Variants in ROBO1 observed in about 807,000 individuals in gnomAD.
ROBO1 encodes roundabout homolog 1.
ROBO1 carries 149 observed loss-of-function variants against 195.9 expected under a neutral mutation model. The observed-to-expected ratio is 0.76, with a 90% CI of 0.67 to 0.87. The LOEUF is 0.87. Among genes scored for constraint, ROBO1 ranks in the 40% least tolerant of loss-of-function variants. ROBO1 has a pLI of 0.00. For missense variants in ROBO1, 1,933 were observed against 2,068.3 expected (o/e 0.93, Z 1.27); for synonymous variants, 816 against 733.2 (o/e 1.11, Z -1.82).
At chr3:78,803,807 G>T (rs887087415) in intron 4 of ROBO1, among the ~76,000 whole-genome samples, 2 of 152,032 alleles carry the variant, frequency 1.3e-5, no homozygotes, top group Non-Finnish European at 2.9e-5. Context: ...AAGCAAAGGG[G>T]ATAAGGAAGA....
chr3:79,077,972 C>T (rs912631793), intron 3 of ROBO1, among the ~76,000 whole-genome samples: 1 of 151,716 alleles, frequency 6.6e-6, no homozygotes, highest in Non-Finnish European at 1.5e-5. Context: ...GAGTGATGAA[C>T]TTGCGTTGTA....
In ROBO1 at chr3:79,502,493, C is replaced by G. The variant is rs1035648118; in HGVS notation, c.88+87331G>C. 2.0e-5 allele frequency among the ~76,000 whole-genome samples: 3 copies of G among 152,106 alleles called. No individual in the cohort carries two copies. In the South Asian group the frequency reaches 6.2e-4, roughly 31 times the overall value. ...TAGCCCGCCATGCCTGAGTCTCCCC[C>G]CGCCCCTTCCCCACCGCCATGGGCT... On this transcript the variant is annotated intron_variant, in intron 2 of 30. Transcript: ENST00000464233.
At chr3:78,767,508 C>A (rs1250014061) in intron 4 of ROBO1, among the ~76,000 whole-genome samples, 1 of 150,718 alleles carries the variant, frequency 6.6e-6, no homozygotes, top group Admixed American at 6.6e-5. Flanking sequence ...TCAAGCGACT[C>A]ACCTGCTTTG....
chr3:78,805,420 T>C (rs1022320993), intron 4 of ROBO1, among the ~76,000 whole-genome samples: 6 of 152,170 alleles, frequency 3.9e-5, no homozygotes, highest in Admixed American at 3.9e-4. Flanking sequence ...TACATTTAAT[T>C]ACTTATACAT....
At chr3:78,946,039 C>G (rs576548408) in intron 3 of ROBO1, among the ~76,000 whole-genome samples, 1 of 151,946 alleles carries the variant, frequency 6.6e-6, no homozygotes, top group African/African-American at 2.4e-5. Flanking sequence ...ACCAAATCTA[C>G]GTCTGATTGG....
chr3:79,626,406 C>T (rs1351073076), intron 1 of ROBO1, among the ~76,000 whole-genome samples: 1 of 152,064 alleles, frequency 6.6e-6, no homozygotes, highest in East Asian at 1.9e-4. Context: ...CATTGCACTC[C>T]AGCCTAGTAA....
chr3:79,461,658 A>C (rs776017811), intron 2 of ROBO1, among the ~76,000 whole-genome samples: 1 of 152,176 alleles, frequency 6.6e-6, no homozygotes, highest in Non-Finnish European at 1.5e-5. Context: ...ACATAATGAA[A>C]TGTTTGTTGC....
At chr3:79,648,896 G>C (rs1945915163) in intron 1 of ROBO1, among the ~76,000 whole-genome samples, 1 of 152,050 alleles carries the variant, frequency 6.6e-6, no homozygotes, top group South Asian at 2.1e-4. Context: ...GGCCATATTA[G>C]AAAGCATGTG....
intron 4 of ROBO1, among the ~76,000 whole-genome samples, chr3:78,856,415 C>T (rs759965122): frequency 1.2e-4 from 18 of 151,802 alleles, no homozygotes; most frequent in Non-Finnish European, 2.2e-4. Flanking sequence ...AATAACTTTC[C>T]TATGCTTATT....
chr3:79,564,228 T>G (rs560438046), intron 2 of ROBO1, among the ~76,000 whole-genome samples: 223 of 152,184 alleles, frequency 1.5e-3, no homozygotes, highest in African/African-American at 5.1e-3. Flanking sequence ...CTAGTGGAAC[T>G]CCAAGGTTTT....
chr3:79,605,982 A>G (rs1371060263), intron 1 of ROBO1, among the ~76,000 whole-genome samples: 3 of 133,746 alleles, frequency 2.2e-5, no homozygotes, highest in South Asian at 2.2e-4. Context: ...GTTTACATAT[A>G]TGTGTGTGTG....
At chr3:79,565,185 C>T (rs1333407512) in intron 2 of ROBO1, among the ~76,000 whole-genome samples, 1 of 152,042 alleles carries the variant, frequency 6.6e-6, no homozygotes, top group African/African-American at 2.4e-5. Context: ...CATTCATTTC[C>T]TTCTCTACCA....
At chr3:78,705,990 C>T (rs962473302) in intron 8 of ROBO1, among the ~76,000 whole-genome samples, 4 of 151,588 alleles carry the variant, frequency 2.6e-5, no homozygotes, top group Admixed American at 2.0e-4. Context: ...CTAACTAAAA[C>T]GATGTCTCTG....
At position 79,172,716 on chromosome 3, in the gene ROBO1, G is replaced by A. The variant is rs151250795; in HGVS notation, c.89-47177C>T. 9.0e-3 allele frequency among the ~76,000 whole-genome samples: 1,356 copies of A among 150,730 alleles called. 20 individuals carry two copies. Among genetic ancestry groups the A allele is most frequent in the African/African-American group, 0.031 (1,280 of 40,894 alleles). On this transcript the variant is annotated intron_variant, in intron 2 of 30. Coordinates refer to ENST00000464233, the MANE Select transcript of ROBO1 (RefSeq NM_002941.4). ...TATTCCCTTCTACTGTGTCTACCCT[G>A]AGCACTGCATTATTGACTAAACTGA...
intron 2 of ROBO1, among the ~76,000 whole-genome samples, chr3:79,146,149 C>A (rs1559693021): frequency 1.3e-5 from 2 of 151,744 alleles, no homozygotes; most frequent in African/African-American, 4.8e-5. Flanking sequence ...AAAGTGTCTG[C>A]TTTAAAAGCA....
chr3:79,186,786 G>T (rs567268630), intron 2 of ROBO1, among the ~76,000 whole-genome samples: 1 of 152,148 alleles, frequency 6.6e-6, no homozygotes, highest in African/African-American at 2.4e-5. Context: ...TGGGTTTCTG[G>T]ATGGCAACAG....
intron 4 of ROBO1, among the ~76,000 whole-genome samples, chr3:78,883,439 T>C (rs1424783942): frequency 6.6e-6 from 1 of 152,092 alleles, no homozygotes; most frequent in Non-Finnish European, 1.5e-5. Context: ...TGGAGTGCAG[T>C]GGCATGATCA....
At chr3:78,728,349 T>C (rs1372317497) in intron 5 of ROBO1, among the ~76,000 whole-genome samples, 1 of 152,094 alleles carries the variant, frequency 6.6e-6, no homozygotes, top group Non-Finnish European at 1.5e-5. Flanking sequence ...ACCAGTCCAA[T>C]ATGAACTCAT....
chr3:78,666,681 G>A (rs1707756436), intron 14 of ROBO1, among the ~76,000 whole-genome samples: 1 of 152,096 alleles, frequency 6.6e-6, no homozygotes, highest in South Asian at 2.1e-4. Context: ...AGAGACAAAC[G>A]TGGGCATGTT....
Sources: gnomAD v4.1 joint callset for allele counts (sites outside exome capture counted in the v4.1 genomes callset) on GRCh38, gnomAD v4.1.1 for gene constraint, MANE v1.5 for transcripts, NCBI Gene and HGNC (gene_info 2026-07-23, HGNC 2026-07-21) for gene names.